Variants in GPHN observed in about 807,000 individuals in gnomAD.
GPHN encodes the protein gephyrin.
In GPHN, 17 loss-of-function variants were observed where a neutral mutation model predicts 95.5. The observed-to-expected ratio is 0.18, with a 90% CI of 0.12 to 0.27. The LOEUF (loss-of-function observed/expected upper bound fraction) is 0.27, where lower values mean the gene tolerates loss of function less well. Among genes scored for constraint, GPHN ranks in the 10% least tolerant of loss-of-function variants. GPHN has a pLI of 1.00. For missense variants in GPHN, 660 were observed against 978.1 expected (o/e 0.67, Z 4.34); for synonymous variants, 320 against 322.5 (o/e 0.99, Z 0.08).
In GPHN at chr14:66,545,493, G is replaced by A. The variant is rs1436893970; in HGVS notation, c.64+36902G>A. Among the ~76,000 whole-genome samples the A allele has an allele frequency of 7.3e-5, 9 of 122,984 alleles. 1 individual carries two copies. The highest frequency in any genetic ancestry group is 3.0e-4 in the African/African-American group (8 of 26,474). 80.7% of individuals were successfully genotyped at this position (122,984 alleles called of 152,430 possible). A position where few individuals can be genotyped will look rare whatever the true frequency, so the allele number is the denominator to read the frequency against. On this transcript the variant is annotated intron_variant, in intron 1 of 22. Transcript: ENST00000478722. ...GCGCCCCTCACCTCCCGGACGGGGC[G>A]GCTGGCCGGGCGGGGAGCTGACCCC...
At chr14:67,144,656 C>G (rs185312191) in intron 18 of GPHN, among the ~76,000 whole-genome samples, 1 of 152,168 alleles carries the variant, frequency 6.6e-6, no homozygotes, top group African/African-American at 2.4e-5. Flanking sequence ...TAAACTAGAT[C>G]TTACGTATAT....
the GPHN span, among the ~76,000 whole-genome samples, chr14:67,711,284 C>T: frequency 6.6e-6 from 1 of 152,018 alleles, no homozygotes; most frequent in Non-Finnish European, 1.5e-5. Context: ...TTTTCTAATC[C>T]CTATGCCAAA....
chr14:67,498,451 A>G, the GPHN span, among the ~76,000 whole-genome samples: 1 of 152,062 alleles, frequency 6.6e-6, no homozygotes, highest in African/African-American at 2.4e-5. Context: ...CTTTCCCTTT[A>G]TTTCTTTCTC....
chr14:66,794,163 G>A (rs2060075857), intron 3 of GPHN, among the ~76,000 whole-genome samples: 1 of 152,080 alleles, frequency 6.6e-6, no homozygotes. Flanking sequence ...TTGGAGGTGG[G>A]GCCTGGTGGG....
the GPHN span, among the ~76,000 whole-genome samples, chr14:67,367,520 C>T: frequency 6.6e-6 from 1 of 152,254 alleles, no homozygotes; most frequent in East Asian, 1.9e-4. Context: ...TGAGCCACCA[C>T]GCCCCACCCC....
intron 2 of GPHN, among the ~76,000 whole-genome samples, chr14:66,769,450 A>G (rs1000720252): frequency 6.6e-6 from 1 of 151,772 alleles, no homozygotes; most frequent in African/African-American, 2.4e-5. Context: ...CCCATTAATT[A>G]TTTTTCTTGA....
chr14:66,729,202 T>G (rs2153432758), intron 2 of GPHN, among the ~76,000 whole-genome samples: 1 of 152,288 alleles, frequency 6.6e-6, no homozygotes, highest in Admixed American at 6.5e-5. Context: ...CTCTTTATTT[T>G]GTAAATTGCC....
chr14:66,739,195 A>T (rs1031374529), intron 2 of GPHN, among the ~76,000 whole-genome samples: 6 of 151,260 alleles, frequency 4.0e-5, no homozygotes, highest in Non-Finnish European at 8.8e-5. Context: ...ACTGTATAAA[A>T]AAATTTACAT....
At chr14:67,724,639 C>A in the GPHN span, 2 of 1,372,944 alleles carry the variant, frequency 1.5e-6, no homozygotes, top group Non-Finnish European at 2.1e-6. Flanking sequence ...TCCCACCCTT[C>A]TTCCCACTGG....
chr14:66,795,439 T>C (rs1353966724), intron 3 of GPHN, among the ~76,000 whole-genome samples: 1 of 152,134 alleles, frequency 6.6e-6, no homozygotes, highest in Non-Finnish European at 1.5e-5. Context: ...AATAACTCAA[T>C]GTTTGTTTTC....
the GPHN span, among the ~76,000 whole-genome samples, chr14:67,689,815 G>A: frequency 2.0e-5 from 3 of 152,056 alleles, no homozygotes; most frequent in East Asian, 1.9e-4. Context: ...CTGGTGGCAC[G>A]CACCTGTAGT....
intron 4 of GPHN, among the ~76,000 whole-genome samples, chr14:66,844,710 T>C (rs947632264): frequency 1.5e-4 from 23 of 152,124 alleles, no homozygotes; most frequent in Non-Finnish European, 2.6e-4. Flanking sequence ...TTCAGTAGCT[T>C]TTTAAAATTT....
the GPHN span, chr14:67,678,139 T>G: frequency 6.5e-4 from 354 of 545,198 alleles, 5 homozygotes; most frequent in South Asian, 7.3e-3. Flanking sequence ...AATCTGGACA[T>G]GACAGACATT....
intron 9 of GPHN, among the ~76,000 whole-genome samples, chr14:66,996,673 G>T (rs1282204729): frequency 6.6e-6 from 1 of 151,976 alleles, no homozygotes; most frequent in East Asian, 1.9e-4. Flanking sequence ...ATCCAAAATT[G>T]ATTATTAAAT....
At chr14:66,803,314 G>C (rs1369619608) in intron 3 of GPHN, among the ~76,000 whole-genome samples, 1 of 152,196 alleles carries the variant, frequency 6.6e-6, no homozygotes, top group Non-Finnish European at 1.5e-5. Context: ...CAGGGGTCCT[G>C]TTGACTATTC....
intron 1 of GPHN, among the ~76,000 whole-genome samples, chr14:66,516,866 T>C (rs572513529): frequency 6.6e-6 from 1 of 152,228 alleles, no homozygotes; most frequent in South Asian, 2.1e-4. Context: ...GCACAGGGGC[T>C]CACGCCTGTA....
the GPHN span, among the ~76,000 whole-genome samples, chr14:67,487,938 A>G: frequency 1.3e-5 from 2 of 152,188 alleles, no homozygotes; most frequent in Admixed American, 6.5e-5. Flanking sequence ...ATGTACAGCC[A>G]TGTTTTTACT....
chr14:67,288,796 C>T, the GPHN span, among the ~76,000 whole-genome samples: 1 of 151,830 alleles, frequency 6.6e-6, no homozygotes, highest in Non-Finnish European at 1.5e-5. Context: ...TCTGGCTATC[C>T]CTCAGCTCTT....
chr14:67,594,601 C>T, the GPHN span, among the ~76,000 whole-genome samples: 20 of 151,394 alleles, frequency 1.3e-4, no homozygotes, highest in African/African-American at 4.6e-4. Flanking sequence ...TGCAGTGAGC[C>T]GAGATCGCAC....
Sources: gnomAD v4.1 joint callset for allele counts (sites outside exome capture counted in the v4.1 genomes callset) on GRCh38, gnomAD v4.1.1 for gene constraint, MANE v1.5 for transcripts, NCBI Gene and HGNC (gene_info 2026-07-23, HGNC 2026-07-21) for gene names.